The following KPNA7 variants were observed in gnomAD, a reference collection of about 807,000 sequenced individuals.
The protein encoded by KPNA7 is importin subunit alpha-8.
A neutral mutation model predicts 53.7 loss-of-function variants in KPNA7; 54 were observed. The observed-to-expected ratio is 1.01, with a 90% confidence interval of 0.81 to 1.26. KPNA7 has a LOEUF of 1.26. KPNA7 is among the 50% of genes most tolerant of loss of function. The pLI is 0.00. For missense variants in KPNA7, 640 were observed against 644.5 expected, an observed-to-expected ratio of 0.99 and a Z score of 0.07; for synonymous variants, 276 against 259.3, an observed-to-expected ratio of 1.06 and a Z score of -0.62.
At chr7:99,184,866 G>A in intron 8 of KPNA7, 63 bp downstream of exon 8, 1 of 1,347,036 alleles carries the variant, frequency 7.4e-7, no homozygotes, top group African/African-American at 1.4e-5. Context: ...GATTCCTGAA[G>A]GAGTTCAACC....
chr7:99,183,967 C>T (rs1186534777), intron 8 of KPNA7, among the ~76,000 whole-genome samples: 2 of 152,016 alleles, frequency 1.3e-5, no homozygotes, highest in Non-Finnish European at 2.9e-5. Flanking sequence ...CTGTCTTAGG[C>T]CTCCCAAGTA....
chr7:99,148,475 A>G, the KPNA7 span, among the ~76,000 whole-genome samples: 4 of 152,362 alleles, frequency 2.6e-5, no homozygotes, highest in Non-Finnish European at 4.4e-5. Flanking sequence ...TCCTTCCTCC[A>G]GAAAAATTCA....
the KPNA7 span, among the ~76,000 whole-genome samples, chr7:99,147,594 C>A: frequency 2.0e-5 from 3 of 152,132 alleles, no homozygotes; most frequent in Admixed American, 6.5e-5. Flanking sequence ...AGTTTGAGAC[C>A]ATCCTGGCCA....
chr7:99,211,875 A>C (rs1214464736), upstream of KPNA7, among the ~76,000 whole-genome samples: 1 of 152,140 alleles, frequency 6.6e-6, no homozygotes, highest in Non-Finnish European at 1.5e-5. Flanking sequence ...GAATTGACCA[A>C]TCTCTCCCAC....
chr7:99,203,006 C>G (rs1011965132), intron 3 of KPNA7, 100 bp downstream of exon 3: 1 of 1,407,620 alleles, frequency 7.1e-7, no homozygotes, highest in South Asian at 1.4e-5. Context: ...AAGCCCAAAA[C>G]GAGAGTTTGC....
At chr7:99,179,233 G>A (rs1003017176) in intron 9 of KPNA7, among the ~76,000 whole-genome samples, 3 of 151,894 alleles carry the variant, frequency 2.0e-5, no homozygotes, top group African/African-American at 7.2e-5. Context: ...TTACTTTGAA[G>A]ATTTTCAGAT....
At chr7:99,191,092 T>C (rs1789924589) in intron 6 of KPNA7, among the ~76,000 whole-genome samples, 1 of 151,934 alleles carries the variant, frequency 6.6e-6, no homozygotes, top group Non-Finnish European at 1.5e-5. Flanking sequence ...CTTCTTGCTG[T>C]CTCCCTTTCA....
At chr7:99,189,316 G>A (rs1054040868) in intron 6 of KPNA7, among the ~76,000 whole-genome samples, 3 of 152,106 alleles carry the variant, frequency 2.0e-5, no homozygotes, top group Non-Finnish European at 4.4e-5. Context: ...AGTAGAGACA[G>A]GGGTCTTGCT....
chr7:99,157,303 A>G, the KPNA7 span, among the ~76,000 whole-genome samples: 1 of 152,044 alleles, frequency 6.6e-6, no homozygotes, highest in Non-Finnish European at 1.5e-5. Context: ...TCCACCTCCC[A>G]GGTTCAAGCG....
chr7:99,202,534 A>T (rs564642661), intron 3 of KPNA7, among the ~76,000 whole-genome samples: 1 of 152,236 alleles, frequency 6.6e-6, no homozygotes, highest in African/African-American at 2.4e-5. Flanking sequence ...GATAGCAAGT[A>T]AATTTTCAAT....
chr7:99,169,701 T>C (rs1798736288), downstream of KPNA7, among the ~76,000 whole-genome samples: 1 of 151,868 alleles, frequency 6.6e-6, no homozygotes, highest in African/African-American at 2.4e-5. Flanking sequence ...AAATGAATGG[T>C]TGAAGGACTC....
the KPNA7 span, among the ~76,000 whole-genome samples, chr7:99,159,732 T>G: frequency 6.6e-6 from 1 of 152,122 alleles, no homozygotes; most frequent in Non-Finnish European, 1.5e-5. Context: ...CAATCATTCT[T>G]TATCATCAAA....
intron 2 of KPNA7, among the ~76,000 whole-genome samples, chr7:99,205,247 C>T (rs1256787615): frequency 6.6e-6 from 1 of 150,768 alleles, no homozygotes; most frequent in African/African-American, 2.4e-5. Context: ...CATGTTGAAA[C>T]CCCATCTCTA....
intron 6 of KPNA7, among the ~76,000 whole-genome samples, chr7:99,189,915 T>C (rs1367082796): frequency 2.0e-5 from 3 of 151,978 alleles, no homozygotes; most frequent in Non-Finnish European, 2.9e-5. Flanking sequence ...ATTCTAGTCA[T>C]GTTTCTAACC....
At chr7:99,204,963 A>G (rs1185172591) in intron 2 of KPNA7, among the ~76,000 whole-genome samples, 1 of 152,198 alleles carries the variant, frequency 6.6e-6, no homozygotes, top group Non-Finnish European at 1.5e-5. Flanking sequence ...CCCCATCGCT[A>G]GGCAGTTCCT....
intron 2 of KPNA7, among the ~76,000 whole-genome samples, chr7:99,205,082 C>G (rs1383180802): frequency 1.3e-5 from 2 of 151,986 alleles, no homozygotes; most frequent in Non-Finnish European, 2.9e-5. Context: ...TTTCAGTGGT[C>G]CTAGAAGCCG....
At chr7:99,187,271 C>T (rs987435301) in intron 7 of KPNA7, among the ~76,000 whole-genome samples, 1 of 152,110 alleles carries the variant, frequency 6.6e-6, no homozygotes, top group Non-Finnish European at 1.5e-5. Context: ...GCCTGGATGA[C>T]AGAGAGACTC....
At chr7:99,166,276 C>T in the KPNA7 span, among the ~76,000 whole-genome samples, 1 of 152,146 alleles carries the variant, frequency 6.6e-6, no homozygotes, top group African/African-American at 2.4e-5. Flanking sequence ...CATCTCCTAT[C>T]CATGACCACA....
the KPNA7 span, among the ~76,000 whole-genome samples, chr7:99,151,257 GCCTAGGACTTCTCTGAACCTAGTCCTA>G: frequency 2.0e-4 from 31 of 152,146 alleles, no homozygotes; most frequent in African/African-American, 7.2e-4. Flanking sequence ...TCCTCTATCT[GCCTAGGACTTCTCTGAACCTAGTCCTA>G]CCTAGGACTT....
Sources: allele counts gnomAD v4.1 joint callset (sites outside exome capture counted in the v4.1 genomes callset), GRCh38; gene constraint gnomAD v4.1.1; transcripts MANE v1.5; gene names NCBI Gene and HGNC (gene_info 2026-07-23, HGNC 2026-07-21).